BPTF: variants seen among roughly 807,000 people sequenced by gnomAD.
The protein encoded by BPTF is nucleosome-remodeling factor subunit BPTF.
A neutral mutation model predicts 292.5 loss-of-function variants in BPTF; 18 were observed. The ratio of observed to expected loss-of-function variants is 0.06; its 90% CI spans 0.04 to 0.09. The LOEUF (loss-of-function observed/expected upper bound fraction) is 0.09, where lower values mean the gene tolerates loss of function less well. Among genes scored for constraint, BPTF ranks in the 10% least tolerant of loss-of-function variants. The pLI, the probability that BPTF is intolerant of heterozygous loss-of-function variation, is 1.00. For missense variants in BPTF, 2,726 were observed against 3,498.7 expected (o/e 0.78, Z 5.57); for synonymous variants, 1,225 against 1,251.9 (o/e 0.98, Z 0.45).
intron 1 of BPTF, among the ~76,000 whole-genome samples, chr17:67,834,502 T>G (rs2056973502): frequency 6.6e-6 from 1 of 152,152 alleles, no homozygotes; most frequent in African/African-American, 2.4e-5. Flanking sequence ...AGAGAAGTCT[T>G]GAAGTCTGCA....
At chr17:67,934,051 AAG>A (rs1208085164) in intron 18 of BPTF, among the ~76,000 whole-genome samples, 1 of 152,182 alleles carries the variant, frequency 6.6e-6, no homozygotes, top group African/African-American at 2.4e-5. Context: ...TCTCAGAAAA[AAG>A]AAAAAAAAAA....
intron 25 of BPTF, among the ~76,000 whole-genome samples, chr17:67,964,794 A>AG (rs1555686114): frequency 6.7e-6 from 1 of 148,632 alleles, no homozygotes; most frequent in Non-Finnish European, 1.5e-5. Flanking sequence ...AGGTCAGGAG[A>AG]TCAGACCATC....
At chr17:67,962,808 T>G (rs551497488) in intron 24 of BPTF, among the ~76,000 whole-genome samples, 1 of 152,260 alleles carries the variant, frequency 6.6e-6, no homozygotes, top group Non-Finnish European at 1.5e-5. Flanking sequence ...ATTTATCTTC[T>G]ACACCTGGCT....
chr17:67,909,106 A>T (rs2062459286), intron 9 of BPTF, among the ~76,000 whole-genome samples: 1 of 151,916 alleles, frequency 6.6e-6, no homozygotes, highest in Non-Finnish European at 1.5e-5. Flanking sequence ...AAGTGCTGGG[A>T]TTACAGGCAT....
intron 1 of BPTF, among the ~76,000 whole-genome samples, chr17:67,853,324 A>G (rs907381723): frequency 4.6e-5 from 7 of 152,104 alleles, no homozygotes; most frequent in African/African-American, 1.7e-4. Flanking sequence ...CTTTTCCCCC[A>G]GCATTGGAAT....
chr17:67,849,823 C>G (rs911924334), intron 1 of BPTF, among the ~76,000 whole-genome samples: 15 of 152,104 alleles, frequency 9.9e-5, no homozygotes, highest in African/African-American at 2.9e-4. Context: ...CACCTGTAGT[C>G]CCAGCTACTC....
At chr17:67,876,634 C>T (rs4569324) in intron 4 of BPTF, among the ~76,000 whole-genome samples, 30,966 of 151,894 alleles carry the variant, frequency 0.2, 3,965 homozygotes, top group East Asian at 0.66. Context: ...GTTGAAACCC[C>T]GTGTCTACTG....
chr17:67,884,162 C>T lies in BPTF; in HGVS notation c.1865-7682C>T, dbSNP rs185883196. 3.5e-3 allele frequency among the ~76,000 whole-genome samples: 431 copies of T among 124,674 alleles called. 3 individuals carry two copies. Among genetic ancestry groups the T allele is most frequent in the African/African-American group, 0.012 (413 of 33,776 alleles). 81.8% of individuals were successfully genotyped at this position (124,674 alleles called of 152,430 possible). On this transcript the variant is annotated intron_variant, in intron 4 of 27. Transcript: ENST00000306378. ...TCTTTTTTTTTTTTTTTTTTTGAAA[C>T]AATCTCGTGCTGTCACTCAGGCTGT... is the stretch of plus-strand genomic sequence containing the variant.
intron 26 of BPTF, among the ~76,000 whole-genome samples, chr17:67,972,550 G>A (rs2068880883): frequency 6.6e-6 from 1 of 151,946 alleles, no homozygotes; most frequent in South Asian, 2.1e-4. Context: ...GGCTATTTAA[G>A]GGCTATTTAT....
rs560129842 is a variant in BPTF, at chr17:67,964,782, C to T, written c.8454+378C>T. Among the ~76,000 whole-genome samples the T allele has an allele frequency of 1.2e-3, 183 of 151,486 alleles. 1 individual carries two copies. In the South Asian group the frequency reaches 0.018, roughly 15 times the overall value. On this transcript the variant is annotated intron_variant, in intron 25 of 27. Transcript: ENST00000306378. The stretch of plus-strand genomic sequence containing the variant: ...TTGGGAGGCCAAGGTGGGCGGATCA[C>T]AAGGTCAGGAGATCAGACCATCCTG...
chr17:67,903,906 A>G lies in BPTF; in HGVS notation c.2661A>G (p.Pro887=), dbSNP rs1408835323. Reference sequence around the variant, plus strand: ...CGACATGGGTAAAATACACATTTCCAGTTAAGCATCAGGTAATTTTTACAA... The same window carrying G: ...CGACATGGGTAAAATACACATTTCCGGTTAAGCATCAGGTAATTTTTACAA... ...QQATWVKYTF[P]VKHQVWKQKG... Residue 887 remains proline, a synonymous_variant, in exon 8 of 28, where the codon CCA becomes CCG. Coordinates refer to ENST00000306378, the MANE Select transcript of BPTF (RefSeq NM_182641.4). 1 of 1,584,432 alleles carries G rather than the reference A, an allele frequency of 6.3e-7. No individual in the cohort carries two copies. The highest frequency in any genetic ancestry group is 1.2e-5 in the South Asian group (1 of 83,758).
chr17:67,859,372 C>T (rs2058936709), intron 2 of BPTF, among the ~76,000 whole-genome samples: 1 of 152,134 alleles, frequency 6.6e-6, no homozygotes, highest in African/African-American at 2.4e-5. Flanking sequence ...TCTCAAACTC[C>T]TGGGTTCAGG....
chr17:67,852,503 A>G (rs1352346909), intron 1 of BPTF, among the ~76,000 whole-genome samples: 1 of 151,922 alleles, frequency 6.6e-6, no homozygotes, highest in Non-Finnish European at 1.5e-5. Flanking sequence ...CATTCTATTC[A>G]TTGTTCTGTA....
chr17:67,967,453 T>C (rs919251265), intron 26 of BPTF, among the ~76,000 whole-genome samples: 2 of 152,006 alleles, frequency 1.3e-5, no homozygotes, highest in Non-Finnish European at 1.5e-5. Flanking sequence ...ATTGTGCATA[T>C]TCTTGAACCC....
At chr17:67,849,824 C>T (rs1249995045) in intron 1 of BPTF, among the ~76,000 whole-genome samples, 2 of 151,998 alleles carry the variant, frequency 1.3e-5, no homozygotes, top group African/African-American at 2.4e-5. Flanking sequence ...ACCTGTAGTC[C>T]CAGCTACTCG....
At position 67,890,756 on chromosome 17, in the gene BPTF, C is replaced by G. The variant is rs578237519; in HGVS notation, c.1865-1088C>G. ...ACAAAATTGTCTTAATTATTTTCCC[C>G]AAAATGCATAGCCAGTTTTCCCAAT... On this transcript the variant is annotated intron_variant, in intron 4 of 27. Coordinates refer to ENST00000306378, the MANE Select transcript of BPTF (RefSeq NM_182641.4). Among the ~76,000 whole-genome samples the G allele has an allele frequency of 3.3e-5, 5 of 152,298 alleles. No homozygotes were observed. In the South Asian group the frequency reaches 8.3e-4, roughly 25 times the overall value.
At chr17:67,844,247 C>A (rs1297130031) in intron 1 of BPTF, among the ~76,000 whole-genome samples, 1 of 149,186 alleles carries the variant, frequency 6.7e-6, no homozygotes, top group South Asian at 2.1e-4. Context: ...CCATGTCTGG[C>A]GAATTTTTTT....
At chr17:67,901,730 T>C (rs2061856834) in intron 7 of BPTF, among the ~76,000 whole-genome samples, 1 of 152,232 alleles carries the variant, frequency 6.6e-6, no homozygotes, top group South Asian at 2.1e-4. Context: ...ACTAACAGTT[T>C]AGAAGTTCAA....
intron 27 of BPTF, 98 bp downstream of exon 27, chr17:67,976,056 T>A: frequency 2.3e-6 from 2 of 883,646 alleles, no homozygotes; most frequent in Admixed American, 3.7e-5. Flanking sequence ...ATGGTAAATT[T>A]AACCTTAAAT....
Sources: allele counts gnomAD v4.1 joint callset (sites outside exome capture counted in the v4.1 genomes callset), GRCh38; gene constraint gnomAD v4.1.1; transcripts MANE v1.5; gene names NCBI Gene and HGNC (gene_info 2026-07-23, HGNC 2026-07-21).